Variants in WWOX observed in about 807,000 individuals in gnomAD.
WWOX encodes WW domain containing oxidoreductase, also known as WW domain-containing oxidoreductase.
WWOX carries 69 observed loss-of-function variants against 46.2 expected under a neutral mutation model. The observed-to-expected ratio is 1.49, with a 90% CI of 1.23 to 1.82. The LOEUF (loss-of-function observed/expected upper bound fraction) is 1.82, where lower values mean the gene tolerates loss of function less well. WWOX is among the 40% of genes most tolerant of loss of function. The pLI is 0.00. For synonymous variants in WWOX, 359 were observed against 202.6 expected, an observed-to-expected ratio of 1.77 and a Z score of -6.56; for missense variants, 919 against 542.6, an observed-to-expected ratio of 1.69 and a Z score of -6.89.
chr16:78,593,710 A>T (rs2045405731), intron 8 of WWOX, among the ~76,000 whole-genome samples: 1 of 145,530 alleles, frequency 6.9e-6, no homozygotes, highest in Admixed American at 6.9e-5. Context: ...AACAGAGGAA[A>T]ACTGCCTGTT....
chr16:79,184,285 T>C lies in WWOX; in HGVS notation c.1057-27323T>C, dbSNP rs999833413. ...GTCCACACAGAAGAGTCCAATTTTC[T>C]TTGCACAAAGAGCCTACCATTCATT... is the stretch of plus-strand genomic sequence containing the variant. On this transcript the variant is annotated intron_variant, in intron 8 of 8. Coordinates refer to ENST00000566780, the MANE Select transcript of WWOX (RefSeq NM_016373.4). Among the ~76,000 whole-genome samples the C allele has an allele frequency of 2.6e-5, 4 of 152,212 alleles. No homozygotes were observed. The South Asian group carries it at 8.3e-4, about 32-fold the overall frequency.
intron 8 of WWOX, among the ~76,000 whole-genome samples, chr16:78,673,942 AC>A (rs2047526190): frequency 6.6e-6 from 1 of 152,194 alleles, no homozygotes; most frequent in African/African-American, 2.4e-5. Context: ...AGGGTGTATT[AC>A]TGAGCACATA....
At chr16:78,852,512 G>C (rs1369212929) in intron 8 of WWOX, among the ~76,000 whole-genome samples, 3 of 152,168 alleles carry the variant, frequency 2.0e-5, no homozygotes, top group Admixed American at 6.5e-5. Context: ...GTTGGAAGCA[G>C]TTCCTCCAAC....
chr16:78,742,695 C>T (rs149797419), intron 8 of WWOX, among the ~76,000 whole-genome samples: 1 of 152,192 alleles, frequency 6.6e-6, no homozygotes, highest in African/African-American at 2.4e-5. Flanking sequence ...TTCTGCCCTG[C>T]GGTTTCAGTT....
chr16:78,687,536 T>G (rs1320593014), intron 8 of WWOX, among the ~76,000 whole-genome samples: 1 of 152,166 alleles, frequency 6.6e-6, no homozygotes, highest in African/African-American at 2.4e-5. Context: ...CCATTCTATG[T>G]TTTATCGGAA....
chr16:78,846,958 G>C (rs540962469), intron 8 of WWOX, among the ~76,000 whole-genome samples: 4 of 152,362 alleles, frequency 2.6e-5, no homozygotes, highest in African/African-American at 4.8e-5. Flanking sequence ...TAATACGACA[G>C]TATTGTGATA....
chr16:78,678,751 T>C (rs150586167), intron 8 of WWOX, among the ~76,000 whole-genome samples: 57 of 152,250 alleles, frequency 3.7e-4, no homozygotes, highest in Non-Finnish European at 7.4e-4. Context: ...GATAGGAAAC[T>C]GACCTTTTTT....
rs1309890824 is a variant in WWOX at position 78,805,092 on chromosome 16, C to T, written c.1056+372340C>T. On this transcript the variant is annotated intron_variant, in intron 8 of 8. Coordinates refer to ENST00000566780, the MANE Select transcript of WWOX (RefSeq NM_016373.4). ...GTACTTTTCTGCATGTGGTCTTGTACATGAAATTAAGAATATCACTACCAA... is the reference window on the plus strand; with the variant it reads ...GTACTTTTCTGCATGTGGTCTTGTATATGAAATTAAGAATATCACTACCAA... Among the ~76,000 whole-genome samples the T allele has an allele frequency of 2.0e-5, 3 of 152,144 alleles. No homozygotes were observed. The East Asian group carries it at 5.8e-4, about 29-fold the overall frequency.
In WWOX at chr16:79,138,808, C is replaced by G. The variant is rs542704176; in HGVS notation, c.1057-72800C>G. 2.6e-5 allele frequency among the ~76,000 whole-genome samples: 4 copies of G among 152,248 alleles called. No individual in the cohort carries two copies. In the East Asian group the frequency reaches 7.7e-4, roughly 29 times the overall value. On this transcript the variant is annotated intron_variant, in intron 8 of 8. Transcript: ENST00000566780. The stretch of plus-strand genomic sequence containing the variant: ...TGCAGTCACAGCAGAGATGCAGGCC[C>G]ACAGTAGGGACTCACCAGATGTGGC...
intron 5 of WWOX, among the ~76,000 whole-genome samples, chr16:78,172,604 T>C (rs938828916): frequency 6.6e-6 from 1 of 152,048 alleles, no homozygotes. Context: ...TTTTTTTTTT[T>C]TCCTGGCCAC....
At position 78,204,534 on chromosome 16, in the gene WWOX, C is replaced by T. The variant is rs563961729; in HGVS notation, c.516+40245C>T. Among the ~76,000 whole-genome samples, 16 of 152,038 alleles carry T rather than the reference C, an allele frequency of 1.1e-4. 1 individual carries two copies. The South Asian group carries it at 2.3e-3, about 22-fold the overall frequency. ...CCTTGTATTTTTTTGTACCCATTGACCATCCCCACCTCCTCATCAACCCCC... is the reference window on the plus strand; with the variant it reads ...CCTTGTATTTTTTTGTACCCATTGATCATCCCCACCTCCTCATCAACCCCC... On this transcript the variant is annotated intron_variant, in intron 5 of 8. Transcript: ENST00000566780.
intron 7 of WWOX, among the ~76,000 whole-genome samples, chr16:78,432,030 T>G (rs1232126683): frequency 1.3e-5 from 2 of 152,158 alleles, no homozygotes; most frequent in South Asian, 2.1e-4. Context: ...TTTATATTGT[T>G]AAATCACCAT....
At chr16:78,320,412 T>C (rs1354928556) in intron 5 of WWOX, among the ~76,000 whole-genome samples, 1 of 152,180 alleles carries the variant, frequency 6.6e-6, no homozygotes, top group Non-Finnish European at 1.5e-5. Flanking sequence ...TGAACATGAC[T>C]GAACTTGCAC....
intron 8 of WWOX, among the ~76,000 whole-genome samples, chr16:79,152,422 A>C (rs1044444264): frequency 9.9e-5 from 15 of 152,156 alleles, no homozygotes; most frequent in African/African-American, 3.6e-4. Flanking sequence ...CTGTAATCCC[A>C]GCACTTTGGG....
intron 8 of WWOX, among the ~76,000 whole-genome samples, chr16:78,741,392 C>T (rs746804001): frequency 3.9e-5 from 6 of 152,010 alleles, no homozygotes; most frequent in Admixed American, 3.9e-4. Context: ...GAGATCCCAT[C>T]TCTACTAATA....
At chr16:78,145,581 G>C (rs1380943291) in intron 4 of WWOX, among the ~76,000 whole-genome samples, 1 of 152,114 alleles carries the variant, frequency 6.6e-6, no homozygotes, top group Non-Finnish European at 1.5e-5. Context: ...AATTGAGGGT[G>C]GGTCTGTCTC....
intron 8 of WWOX, among the ~76,000 whole-genome samples, chr16:79,042,139 C>G (rs893847175): frequency 1.3e-5 from 2 of 152,204 alleles, no homozygotes; most frequent in African/African-American, 4.8e-5. Context: ...CCCCGCCTGT[C>G]TCTGAAGTAT....
intron 8 of WWOX, among the ~76,000 whole-genome samples, chr16:79,149,042 TGTA>T (rs2050231011): frequency 6.6e-6 from 1 of 151,894 alleles, no homozygotes; most frequent in Non-Finnish European, 1.5e-5. Context: ...ATTGCCTTAT[TGTA>T]GTGGCTAGAA....
intron 7 of WWOX, among the ~76,000 whole-genome samples, chr16:78,430,775 C>A (rs1597074282): frequency 6.6e-6 from 1 of 152,142 alleles, no homozygotes; most frequent in Non-Finnish European, 1.5e-5. Flanking sequence ...TTTAGAGCAG[C>A]TATGTCATTT....
Sources: gnomAD v4.1 joint callset for allele counts (sites outside exome capture counted in the v4.1 genomes callset) on GRCh38, gnomAD v4.1.1 for gene constraint, MANE v1.5 for transcripts, NCBI Gene and HGNC (gene_info 2026-07-23, HGNC 2026-07-21) for gene names.